Variants in ATRNL1 observed in about 807,000 individuals in gnomAD.
ATRNL1 encodes attractin like 1.
ATRNL1 carries 95 observed loss-of-function variants against 182.7 expected under a neutral mutation model. The observed-to-expected ratio is 0.52, with a 90% CI of 0.44 to 0.62. The LOEUF is 0.62. ATRNL1 is among the 20% of genes least tolerant of loss of function. The probability of loss-of-function intolerance (pLI) is 0.00; values close to 1 mark genes in which losing one functional copy is unlikely to be tolerated. For synonymous variants in ATRNL1, 576 were observed against 568.3 expected, an observed-to-expected ratio of 1.01 and a Z score of -0.19; for missense variants, 1,471 against 1,679.5, an observed-to-expected ratio of 0.88 and a Z score of 2.17.
chr10:115,666,094 G>A (rs1860984061), intron 26 of ATRNL1, among the ~76,000 whole-genome samples: 2 of 152,106 alleles, frequency 1.3e-5, no homozygotes, highest in South Asian at 4.1e-4. Context: ...AAGGACACCT[G>A]TAAGAAAGTG....
At chr10:115,549,221 G>C (rs1012356641) in intron 25 of ATRNL1, among the ~76,000 whole-genome samples, 2 of 151,944 alleles carry the variant, frequency 1.3e-5, no homozygotes, top group African/African-American at 2.4e-5. Context: ...CCTTCTGACA[G>C]AGAAAATTCT....
At chr10:115,809,586 C>A (rs541528312) in intron 27 of ATRNL1, among the ~76,000 whole-genome samples, 11 of 151,882 alleles carry the variant, frequency 7.2e-5, no homozygotes, top group African/African-American at 2.7e-4. Flanking sequence ...ATTTTGATTT[C>A]CAATTGTTTG....
At chr10:115,368,304 C>T (rs1398879716) in intron 19 of ATRNL1, among the ~76,000 whole-genome samples, 2 of 152,198 alleles carry the variant, frequency 1.3e-5, no homozygotes, top group African/African-American at 2.4e-5. Flanking sequence ...GCGTCCGTCA[C>T]CCCTTTCTTT....
chr10:115,438,953 T>C (rs1554965202), intron 21 of ATRNL1, among the ~76,000 whole-genome samples: 1 of 151,956 alleles, frequency 6.6e-6, no homozygotes, highest in African/African-American at 2.4e-5. Context: ...CTCCCTGAAC[T>C]TAACTACTAA....
chr10:115,451,908 A>G (rs1847301825), intron 21 of ATRNL1, among the ~76,000 whole-genome samples: 1 of 152,142 alleles, frequency 6.6e-6, no homozygotes, highest in South Asian at 2.1e-4. Flanking sequence ...GGTATGCATA[A>G]ACCATGGAAT....
chr10:115,561,704 G>GTGTGT (rs1554999746), intron 26 of ATRNL1, among the ~76,000 whole-genome samples: 7,985 of 144,878 alleles, frequency 0.055, 284 homozygotes, highest in Middle Eastern at 0.092. Context: ...TGTGTGTGTG[G>GTGTGT]GTGTGTGTGT....
intron 8 of ATRNL1, among the ~76,000 whole-genome samples, chr10:115,214,451 A>C (rs1359793901): frequency 4.6e-5 from 7 of 152,084 alleles, no homozygotes; most frequent in African/African-American, 1.7e-4. Flanking sequence ...AAAGTTTCTT[A>C]ACATAGATTA....
At chr10:115,264,595 C>T (rs1312115074) in intron 10 of ATRNL1, among the ~76,000 whole-genome samples, 1 of 151,368 alleles carries the variant, frequency 6.6e-6, no homozygotes, top group African/African-American at 2.4e-5. Flanking sequence ...TTTTCTTAAC[C>T]ACTTTCCATA....
chr10:115,928,549 A>G (rs1177384890), intron 28 of ATRNL1, among the ~76,000 whole-genome samples: 3 of 152,008 alleles, frequency 2.0e-5, no homozygotes, highest in Non-Finnish European at 4.4e-5. Flanking sequence ...GTTCCTGAAT[A>G]AATGTCTGTT....
intron 27 of ATRNL1, among the ~76,000 whole-genome samples, chr10:115,838,438 G>A (rs188859063): frequency 6.6e-6 from 1 of 152,286 alleles, no homozygotes; most frequent in Admixed American, 6.5e-5. Context: ...AACCTCTTGA[G>A]AAGGTCATCT....
At chr10:115,698,381 C>G (rs986319356) in intron 26 of ATRNL1, among the ~76,000 whole-genome samples, 1 of 151,998 alleles carries the variant, frequency 6.6e-6, no homozygotes, top group Non-Finnish European at 1.5e-5. Flanking sequence ...CAAATAAGGA[C>G]AGGGGAAATC....
At chr10:115,342,394 C>G (rs1855792234) in intron 19 of ATRNL1, among the ~76,000 whole-genome samples, 1 of 151,868 alleles carries the variant, frequency 6.6e-6, no homozygotes, top group Non-Finnish European at 1.5e-5. Flanking sequence ...CTTGCAAAAA[C>G]TACCTTATAG....
At chr10:115,239,468 G>A (rs1274503393) in intron 9 of ATRNL1, among the ~76,000 whole-genome samples, 3 of 152,030 alleles carry the variant, frequency 2.0e-5, no homozygotes, top group Non-Finnish European at 4.4e-5. Context: ...TCCTGACATC[G>A]TGATTCGCCC....
chr10:115,716,305 G>A (rs1947249998), intron 26 of ATRNL1, among the ~76,000 whole-genome samples: 1 of 152,056 alleles, frequency 6.6e-6, no homozygotes, highest in Non-Finnish European at 1.5e-5. Context: ...TTAGCTAATA[G>A]CAAAATAATC....
chr10:115,651,212 T>C (rs191029258), intron 26 of ATRNL1, among the ~76,000 whole-genome samples: 195 of 152,250 alleles, frequency 1.3e-3, no homozygotes, highest in African/African-American at 4.4e-3. Context: ...TTTTTATTCA[T>C]GCTACTAGAC....
chr10:115,383,410 G>A (rs745765921), intron 19 of ATRNL1, among the ~76,000 whole-genome samples: 81 of 151,840 alleles, frequency 5.3e-4, no homozygotes, highest in Non-Finnish European at 3.4e-4. Flanking sequence ...GTTTGTGTCT[G>A]TATGTAATTT....
At chr10:115,463,432 A>C (rs1442397404) in intron 22 of ATRNL1, among the ~76,000 whole-genome samples, 8 of 152,144 alleles carry the variant, frequency 5.3e-5, no homozygotes, top group Non-Finnish European at 4.4e-5. Context: ...ATATATTAAC[A>C]ATCTCAGAAA....
chr10:115,816,175 G>C (rs1267568521), intron 27 of ATRNL1, among the ~76,000 whole-genome samples: 1 of 152,120 alleles, frequency 6.6e-6, no homozygotes, highest in African/African-American at 2.4e-5. Flanking sequence ...CTGCCAAATT[G>C]GTCAGATTCT....
intron 20 of ATRNL1, among the ~76,000 whole-genome samples, chr10:115,411,719 A>C (rs1845151121): frequency 6.6e-6 from 1 of 152,100 alleles, no homozygotes; most frequent in Admixed American, 6.6e-5. Flanking sequence ...TTGTTTAAGG[A>C]ATTATTATTT....
Sources: allele counts gnomAD v4.1 joint callset (sites outside exome capture counted in the v4.1 genomes callset), GRCh38; gene constraint gnomAD v4.1.1; transcripts MANE v1.5; gene names NCBI Gene and HGNC (gene_info 2026-07-23, HGNC 2026-07-21).